Variants in MAGI2 observed in about 807,000 individuals in gnomAD.
MAGI2 encodes the protein membrane associated guanylate kinase, WW and PDZ domain containing 2.
Under a neutral mutation model 133.3 loss-of-function variants are expected in MAGI2, and 35 were observed. The observed-to-expected ratio is 0.26, with a 90% CI of 0.20 to 0.35. MAGI2 has a LOEUF of 0.35. MAGI2 is among the 10% of genes least tolerant of loss of function. The pLI is 1.00. For synonymous variants in MAGI2, 729 were observed against 710.6 expected (o/e 1.03, Z -0.41); for missense variants, 1,636 against 1,863.4 (o/e 0.88, Z 2.25).
intron 7 of MAGI2, among the ~76,000 whole-genome samples, chr7:78,367,734 T>C (rs1208923863): frequency 6.6e-6 from 1 of 152,174 alleles, no homozygotes; most frequent in African/African-American, 2.4e-5. Context: ...ATATCGGATG[T>C]AGTAGGCTTA....
At chr7:78,848,890 T>C (rs1327667207) in intron 2 of MAGI2, among the ~76,000 whole-genome samples, 1 of 152,096 alleles carries the variant, frequency 6.6e-6, no homozygotes, top group African/African-American at 2.4e-5. Flanking sequence ...TGTATTTGTT[T>C]GCCCACATTT....
At chr7:79,046,857 G>C (rs1014000509) in intron 1 of MAGI2, among the ~76,000 whole-genome samples, 1 of 152,178 alleles carries the variant, frequency 6.6e-6, no homozygotes, top group African/African-American at 2.4e-5. Context: ...GAAATGTGTA[G>C]TGCCTCACTA....
chr7:78,153,464 C>A (rs1824089985), intron 16 of MAGI2, among the ~76,000 whole-genome samples: 1 of 152,130 alleles, frequency 6.6e-6, no homozygotes, highest in Admixed American at 6.5e-5. Flanking sequence ...ATACAAATGC[C>A]ATCAATTTAC....
At chr7:78,805,905 C>A (rs1431869237) in intron 2 of MAGI2, among the ~76,000 whole-genome samples, 3 of 152,112 alleles carry the variant, frequency 2.0e-5, no homozygotes, top group African/African-American at 7.2e-5. Flanking sequence ...GCAGTCCTGG[C>A]AAACATCTTC....
At chr7:78,668,698 G>T (rs1018820390) in intron 2 of MAGI2, among the ~76,000 whole-genome samples, 3 of 152,044 alleles carry the variant, frequency 2.0e-5, no homozygotes, top group East Asian at 3.9e-4. Flanking sequence ...AAATGTAAAA[G>T]TACGGAAATT....
chr7:78,672,607 A>G (rs1814526811), intron 2 of MAGI2, among the ~76,000 whole-genome samples: 1 of 152,198 alleles, frequency 6.6e-6, no homozygotes, highest in Admixed American at 6.5e-5. Context: ...ACCATGATTG[A>G]TGATCTCCAC....
intron 2 of MAGI2, among the ~76,000 whole-genome samples, chr7:78,897,530 T>C (rs1182343411): frequency 6.6e-6 from 1 of 152,358 alleles, no homozygotes; most frequent in Non-Finnish European, 1.5e-5. Flanking sequence ...TATGAACTTA[T>C]AATTAAACAC....
chr7:78,980,097 G>C (rs1300244731), intron 2 of MAGI2, among the ~76,000 whole-genome samples: 1 of 151,598 alleles, frequency 6.6e-6, no homozygotes, highest in Non-Finnish European at 1.5e-5. Flanking sequence ...GGACTACCTA[G>C]GTGTAAATTC....
chr7:78,289,077 C>A (rs1032797849), intron 9 of MAGI2, among the ~76,000 whole-genome samples: 26 of 152,130 alleles, frequency 1.7e-4, no homozygotes, highest in Admixed American at 1.1e-3. Context: ...TCCTCACCAG[C>A]AAAGGAACAA....
chr7:78,965,697 G>T (rs1803251424), intron 2 of MAGI2, among the ~76,000 whole-genome samples: 1 of 151,964 alleles, frequency 6.6e-6, no homozygotes, highest in Non-Finnish European at 1.5e-5. Flanking sequence ...ATGACGTACA[G>T]AAATCAAATC....
At chr7:78,039,264 T>C (rs1810554055) in intron 21 of MAGI2, among the ~76,000 whole-genome samples, 1 of 152,248 alleles carries the variant, frequency 6.6e-6, no homozygotes, top group African/African-American at 2.4e-5. Context: ...AAATTGTAGA[T>C]GTGATCTCTC....
At chr7:78,926,748 A>G (rs565918727) in intron 2 of MAGI2, among the ~76,000 whole-genome samples, 2 of 152,138 alleles carry the variant, frequency 1.3e-5, no homozygotes, top group East Asian at 1.9e-4. Flanking sequence ...CAGTACTTAC[A>G]TTTTAAATAG....
At chr7:78,711,401 C>T (rs748348130) in intron 2 of MAGI2, among the ~76,000 whole-genome samples, 26 of 151,996 alleles carry the variant, frequency 1.7e-4, no homozygotes, top group Non-Finnish European at 2.9e-4. Context: ...GATTTCATAA[C>T]GCTTATGTGT....
intron 21 of MAGI2, among the ~76,000 whole-genome samples, chr7:78,052,844 G>A (rs926159181): frequency 5.4e-5 from 8 of 149,392 alleles, no homozygotes; most frequent in African/African-American, 2.0e-4. Flanking sequence ...ACAGCTTCAA[G>A]GATTTTTTTT....
chr7:79,344,853 A>G (rs1189375596), intron 1 of MAGI2, among the ~76,000 whole-genome samples: 2 of 152,048 alleles, frequency 1.3e-5, no homozygotes, highest in African/African-American at 4.8e-5. Context: ...GTAAGAGTTG[A>G]TATTAGGGGA....
At chr7:78,704,651 A>G (rs1455577460) in intron 2 of MAGI2, among the ~76,000 whole-genome samples, 5 of 152,096 alleles carry the variant, frequency 3.3e-5, no homozygotes, top group Non-Finnish European at 7.4e-5. Flanking sequence ...AGTCAACCTA[A>G]ATGCCCATTA....
intron 1 of MAGI2, among the ~76,000 whole-genome samples, chr7:79,032,377 G>A (rs28647352): frequency 0.12 from 17,893 of 151,854 alleles, 1,485 homozygotes; most frequent in African/African-American, 0.24. Context: ...AATTAGATGG[G>A]TTTGGTGGCA....
chr7:78,786,276 G>T (rs371203237), intron 2 of MAGI2, among the ~76,000 whole-genome samples: 2 of 152,026 alleles, frequency 1.3e-5, no homozygotes, highest in East Asian at 3.9e-4. Flanking sequence ...CCCAGCAGGC[G>T]GGTCCAAGCT....
At chr7:78,842,520 T>G (rs954233710) in intron 2 of MAGI2, among the ~76,000 whole-genome samples, 25 of 151,990 alleles carry the variant, frequency 1.6e-4, no homozygotes, top group Non-Finnish European at 2.9e-5. Flanking sequence ...CATATTAATA[T>G]TTTGCTAGTA....
Sources: allele counts gnomAD v4.1 joint callset (sites outside exome capture counted in the v4.1 genomes callset), GRCh38; gene constraint gnomAD v4.1.1; transcripts MANE v1.5; gene names NCBI Gene and HGNC (gene_info 2026-07-23, HGNC 2026-07-21).